The following PDE10A variants were observed in gnomAD, a reference collection of about 807,000 sequenced individuals.
PDE10A encodes the protein phosphodiesterase 10A.
In PDE10A, 39 loss-of-function variants were observed where a neutral mutation model predicts 97.7. The observed-to-expected ratio is 0.40, with a 90% CI of 0.31 to 0.52. The LOEUF is 0.52. PDE10A is among the 20% of genes least tolerant of loss of function. The pLI is 0.56. For synonymous variants in PDE10A, 371 were observed against 376.8 expected (o/e 0.98, Z 0.18); for missense variants, 731 against 1,047.8 (o/e 0.70, Z 4.17).
chr6:165,922,568 G>A (rs889162375), intron 1 of PDE10A, among the ~76,000 whole-genome samples: 21 of 152,130 alleles, frequency 1.4e-4, no homozygotes, highest in African/African-American at 4.8e-4. Flanking sequence ...GGGACAATCT[G>A]TTTGCTCTAC....
intron 1 of PDE10A, among the ~76,000 whole-genome samples, chr6:165,577,015 A>G (rs1027424887): frequency 2.0e-5 from 3 of 152,210 alleles, no homozygotes; most frequent in Non-Finnish European, 2.9e-5. Context: ...ACAGCCAAAG[A>G]GCTGATCTTG....
At chr6:165,774,402 C>A (rs118105064) in intron 1 of PDE10A, among the ~76,000 whole-genome samples, 2 of 149,430 alleles carry the variant, frequency 1.3e-5, no homozygotes, top group Admixed American at 1.3e-4. Context: ...TTTAAAAATG[C>A]ATGAAAGTAC....
At chr6:165,653,374 G>A (rs1348771594) in intron 1 of PDE10A, among the ~76,000 whole-genome samples, 7 of 152,258 alleles carry the variant, frequency 4.6e-5, no homozygotes, top group East Asian at 1.9e-4. Context: ...ACGGATGAGC[G>A]GACCATGACG....
rs879175879 is a variant in PDE10A, at chr6:165,662,348, CCCGCCG to C, written c.458_463del (p.Ala153_Ala154del). ...TCCTCCGCCAGCATCGCCGCCTCCT[CCCGCCG>C]CCGCCGCCGCCGCTGCGCCCTCCCT... On this transcript the variant is annotated inframe_deletion, in exon 1 of 22. Transcript: ENST00000539869. The C allele has an allele frequency of 6.2e-5, 10 of 161,630 alleles. No individual in the cohort carries two copies. Among genetic ancestry groups the C allele is most frequent in the Non-Finnish European group, 7.7e-5 (6 of 77,514 alleles). 10.0% of individuals were successfully genotyped at this position (161,630 alleles called of 1,614,324 possible).
At chr6:165,841,313 T>C (rs1780251424) in intron 1 of PDE10A, among the ~76,000 whole-genome samples, 1 of 152,224 alleles carries the variant, frequency 6.6e-6, no homozygotes, top group Non-Finnish European at 1.5e-5. Flanking sequence ...CCAAAGTTTA[T>C]GGACCCATTG....
At chr6:165,599,151 T>C (rs1282053337) in intron 1 of PDE10A, among the ~76,000 whole-genome samples, 1 of 152,220 alleles carries the variant, frequency 6.6e-6, no homozygotes, top group African/African-American at 2.4e-5. Context: ...ATGAATTGCA[T>C]GCCAACTCCT....
intron 2 of PDE10A, among the ~76,000 whole-genome samples, chr6:165,503,156 T>TC (rs915954171): frequency 2.0e-5 from 3 of 152,260 alleles, no homozygotes; most frequent in African/African-American, 7.2e-5. Flanking sequence ...TACTCCTGGA[T>TC]CCACGCTTCA....
At chr6:165,390,616 G>A (rs1318617814) in intron 16 of PDE10A, among the ~76,000 whole-genome samples, 2 of 152,250 alleles carry the variant, frequency 1.3e-5, no homozygotes, top group African/African-American at 2.4e-5. Context: ...AGGTGGAGGC[G>A]ACAGATACAA....
At chr6:165,778,135 C>G (rs1778243801) in intron 1 of PDE10A, among the ~76,000 whole-genome samples, 1 of 152,060 alleles carries the variant, frequency 6.6e-6, no homozygotes, top group African/African-American at 2.4e-5. Context: ...AGTGCAGTGG[C>G]ACGATCTCAG....
intron 1 of PDE10A, among the ~76,000 whole-genome samples, chr6:165,602,597 G>A (rs1787015974): frequency 6.6e-6 from 1 of 152,282 alleles, no homozygotes; most frequent in South Asian, 2.1e-4. Flanking sequence ...AAGGTCCTGG[G>A]AATGACCTCG....
chr6:165,669,531 A>T (rs1790588546), intron 1 of PDE10A, among the ~76,000 whole-genome samples: 1 of 152,206 alleles, frequency 6.6e-6, no homozygotes, highest in Non-Finnish European at 1.5e-5. Context: ...TAAGGGTTTT[A>T]TTGTTTCCAA....
chr6:165,587,688 G>A lies in PDE10A; in HGVS notation c.866-44120C>T, dbSNP rs552841420. On this transcript the variant is annotated intron_variant, in intron 1 of 21. Transcript: ENST00000539869. Reference sequence around the variant, plus strand: ...ATTTTTTTTTCCTATTTACCTGATTGATAGGATAGAACAACTAAGGTATAA... The same window carrying A: ...ATTTTTTTTTCCTATTTACCTGATTAATAGGATAGAACAACTAAGGTATAA... Among the ~76,000 whole-genome samples the A allele has an allele frequency of 2.6e-4, 39 of 152,094 alleles. 1 individual carries two copies. The South Asian group carries it at 7.9e-3, about 31-fold the overall frequency.
intron 1 of PDE10A, among the ~76,000 whole-genome samples, chr6:165,737,133 A>C (rs1424742359): frequency 6.6e-6 from 1 of 152,242 alleles, no homozygotes; most frequent in Non-Finnish European, 1.5e-5. Context: ...GTGAGTAAGG[A>C]GATACAATCA....
At chr6:165,471,141 C>T (rs1292963959) in intron 3 of PDE10A, among the ~76,000 whole-genome samples, 4 of 152,170 alleles carry the variant, frequency 2.6e-5, no homozygotes, top group Non-Finnish European at 5.9e-5. Flanking sequence ...TCTTCCTTTC[C>T]CTTAGAACTC....
At chr6:165,765,032 C>T (rs978257025) in intron 1 of PDE10A, among the ~76,000 whole-genome samples, 8 of 152,140 alleles carry the variant, frequency 5.3e-5, no homozygotes, top group Admixed American at 2.0e-4. Context: ...TCTCCAAGGC[C>T]CCACCAGAGC....
chr6:165,875,744 TTTTG>T (rs1398299319), intron 1 of PDE10A, among the ~76,000 whole-genome samples: 1 of 145,000 alleles, frequency 6.9e-6, no homozygotes, highest in African/African-American at 2.6e-5. Flanking sequence ...TTTTTTTTTT[TTTTG>T]TGTGTGTGTG....
chr6:165,809,746 C>T (rs1308827519), intron 1 of PDE10A, among the ~76,000 whole-genome samples: 1 of 152,164 alleles, frequency 6.6e-6, no homozygotes. Context: ...ACTGCATGGT[C>T]CCTTCCCAGC....
At chr6:165,750,799 G>A (rs1447028820) in intron 1 of PDE10A, among the ~76,000 whole-genome samples, 1 of 152,102 alleles carries the variant, frequency 6.6e-6, no homozygotes, top group East Asian at 1.9e-4. Context: ...GTTCCCCTAA[G>A]TCTGACCTGC....
intron 18 of PDE10A, among the ~76,000 whole-genome samples, chr6:165,361,247 A>C (rs1254995373): frequency 1.3e-5 from 2 of 152,186 alleles, no homozygotes; most frequent in Admixed American, 6.5e-5. Context: ...ACACCACAGA[A>C]TATATATTCT....
Sources: allele counts gnomAD v4.1 joint callset (sites outside exome capture counted in the v4.1 genomes callset), GRCh38; gene constraint gnomAD v4.1.1; transcripts MANE v1.5; gene names NCBI Gene and HGNC (gene_info 2026-07-23, HGNC 2026-07-21).